FRAS1: variants seen among roughly 807,000 people sequenced by gnomAD.
FRAS1 encodes the protein Fraser extracellular matrix complex subunit 1, also known as extracellular matrix organizing protein FRAS1.
In FRAS1, 290 loss-of-function variants were observed where a neutral mutation model predicts 435.2. The observed-to-expected ratio is 0.67, with a 90% CI of 0.61 to 0.73. The LOEUF (loss-of-function observed/expected upper bound fraction) is 0.73. Ranked by LOEUF, FRAS1 falls within the 30% of genes least tolerant of loss-of-function variation. FRAS1 has a pLI of 0.00. For missense variants in FRAS1, 4,860 were observed against 5,001.5 expected (o/e 0.97, Z 0.85); for synonymous variants, 1,800 against 1,851.0 (o/e 0.97, Z 0.71).
At chr4:78,384,778 A>C (rs532874840) in intron 28 of FRAS1, among the ~76,000 whole-genome samples, 3 of 151,716 alleles carry the variant, frequency 2.0e-5, no homozygotes, top group Non-Finnish European at 2.9e-5. Context: ...CCAGTGATGC[A>C]TTCCTATAGT....
chr4:78,244,815 G>A (rs113843367), intron 3 of FRAS1, among the ~76,000 whole-genome samples: 3 of 152,270 alleles, frequency 2.0e-5, no homozygotes, highest in Admixed American at 6.5e-5. Flanking sequence ...GAGAACTTCA[G>A]CTGCTTCACT....
intron 70 of FRAS1, among the ~76,000 whole-genome samples, chr4:78,529,381 A>C (rs1190372935): frequency 1.2e-4 from 19 of 152,230 alleles, no homozygotes; most frequent in Admixed American, 1.2e-3. Flanking sequence ...TATATCATAT[A>C]GCAGATCTAC....
At chr4:78,333,504 C>T (rs919721979) in intron 19 of FRAS1, 92 bp downstream of exon 19, 26 of 1,312,728 alleles carry the variant, frequency 2.0e-5, no homozygotes, top group South Asian at 7.3e-5. Flanking sequence ...CTTGTCATAC[C>T]GGGGACTAAG....
At chr4:78,446,301 C>G (rs1718827937) in intron 42 of FRAS1, 3 of 1,012,724 alleles carry the variant, frequency 3.0e-6, no homozygotes, top group South Asian at 8.5e-5. Context: ...GGCAGGGAGA[C>G]AGCTTTAGAG....
chr4:78,420,900 ATATATATATATATATATATATT>A (rs1300234465), intron 33 of FRAS1, among the ~76,000 whole-genome samples: 1 of 51,360 alleles, frequency 1.9e-5, no homozygotes, highest in Non-Finnish European at 5.7e-5. Flanking sequence ...ATATATATAT[ATATATATATATATATATATATT>A]TATATAAAGG....
At chr4:78,483,816 T>TACAC (rs1247489795) in intron 58 of FRAS1, among the ~76,000 whole-genome samples, 3 of 116,752 alleles carry the variant, frequency 2.6e-5, no homozygotes, top group African/African-American at 8.5e-5. Flanking sequence ...GTATGTGTGA[T>TACAC]ACACACACAC....
chr4:78,124,625 G>C (rs915296875), intron 2 of FRAS1, among the ~76,000 whole-genome samples: 1 of 152,112 alleles, frequency 6.6e-6, no homozygotes, highest in African/African-American at 2.4e-5. Context: ...TGGTTGGTAG[G>C]CTATTAATTA....
chr4:78,452,078 G>T, intron 46 of FRAS1, 97 bp from the exon 47 acceptor site: 6 of 1,369,402 alleles, frequency 4.4e-6, no homozygotes, highest in South Asian at 3.7e-5. Flanking sequence ...CACAGGCCTA[G>T]AGATGACTCT....
chr4:78,115,455 G>T (rs1202341253), intron 2 of FRAS1, among the ~76,000 whole-genome samples: 1 of 152,204 alleles, frequency 6.6e-6, no homozygotes, highest in East Asian at 1.9e-4. Flanking sequence ...AATCCATCTT[G>T]TCCTGGACTT....
In FRAS1 at chr4:78,422,011, CCT is replaced by C; in HGVS notation, c.4678+16_4678+17del. On this transcript the variant is annotated intron_variant, in intron 34 of 73. Coordinates refer to ENST00000512123, the MANE Select transcript of FRAS1 (RefSeq NM_025074.7). ...CCTTCTCGTTCGCTGGTAATGCTCT[CCT>C]CTCTGCTTTGAGGCACCCAACTGCT... 6 of 1,605,226 alleles carry C rather than the reference CCT, an allele frequency of 3.7e-6. No individual in the cohort carries two copies. Among genetic ancestry groups the C allele is most frequent in the Non-Finnish European group, 5.1e-6 (6 of 1,175,084 alleles).
At position 78,344,708 on chromosome 4, in the gene FRAS1, C is replaced by T. The variant is rs114924086; in HGVS notation, c.2422+6891C>T. 5.5e-3 allele frequency among the ~76,000 whole-genome samples: 841 copies of T among 151,954 alleles called. 7 individuals carry two copies. The highest frequency in any genetic ancestry group is 0.019 in the African/African-American group (793 of 41,404). Reference sequence around the variant, plus strand: ...AGAGGCACTGTTGGGAAACATTGCACGAACTTGCTGGTCTGTTTTAAATGC... The same window carrying T: ...AGAGGCACTGTTGGGAAACATTGCATGAACTTGCTGGTCTGTTTTAAATGC... On this transcript the variant is annotated intron_variant, in intron 20 of 73. Coordinates refer to ENST00000512123, the MANE Select transcript of FRAS1 (RefSeq NM_025074.7).
At chr4:78,256,128 A>G (rs1375605693) in intron 6 of FRAS1, among the ~76,000 whole-genome samples, 1 of 152,222 alleles carries the variant, frequency 6.6e-6, no homozygotes, top group South Asian at 2.1e-4. Flanking sequence ...CTTTGTGTCA[A>G]ATGAAACAAA....
chr4:78,432,411 A>G lies in FRAS1; in HGVS notation c.5024A>G (p.Asp1675Gly), dbSNP rs1464759552. The G allele has an allele frequency of 6.2e-7, 1 of 1,611,296 alleles. No individual in the cohort carries two copies. Among genetic ancestry groups the G allele is most frequent in the African/African-American group, 1.3e-5 (1 of 74,908 alleles). The change falls in exon 38 of 74, where the codon GAT becomes GGT. Residue 1675 changes from aspartate to glycine, a missense_variant. Coordinates refer to ENST00000512123, the MANE Select transcript of FRAS1 (RefSeq NM_025074.7). Reference sequence around the variant, plus strand: ...AAAAATGCTCTACAGTATATACATGATGGTTCCTCTACCCGGGAAGACAGC... The same window carrying G: ...AAAAATGCTCTACAGTATATACATGGTGGTTCCTCTACCCGGGAAGACAGC... The part of the protein sequence containing the change: ...VEKNALQYIH[D>G]GSSTREDSME...
chr4:78,224,168 A>G (rs1403201175), intron 2 of FRAS1, among the ~76,000 whole-genome samples: 1 of 152,198 alleles, frequency 6.6e-6, no homozygotes, highest in Non-Finnish European at 1.5e-5. Flanking sequence ...TGGCAGCCAA[A>G]GTCAATTAGA....
intron 49 of FRAS1, 49 bp from the exon 50 acceptor site, chr4:78,466,159 G>A: frequency 6.5e-7 from 1 of 1,528,920 alleles, no homozygotes; most frequent in Non-Finnish European, 9.0e-7. Context: ...CACTCTTTTG[G>A]TTTCTGTTAT....
intron 2 of FRAS1, among the ~76,000 whole-genome samples, chr4:78,179,774 A>AC: frequency 6.6e-6 from 1 of 152,314 alleles, no homozygotes; most frequent in East Asian, 1.9e-4. Flanking sequence ...GAGACAAATG[A>AC]ATATGACTGT....
chr4:78,062,196 G>C (rs1453758046), intron 1 of FRAS1, among the ~76,000 whole-genome samples: 1 of 152,098 alleles, frequency 6.6e-6, no homozygotes, highest in Non-Finnish European at 1.5e-5. Flanking sequence ...GAGTAGGGGA[G>C]GGGACTACCA....
chr4:78,518,448 A>ATT (rs58129819), intron 66 of FRAS1, among the ~76,000 whole-genome samples: 194 of 135,848 alleles, frequency 1.4e-3, no homozygotes, highest in African/African-American at 5.4e-3. Context: ...ATATATATAT[A>ATT]TATATTTATT....
At chr4:78,230,155 G>A (rs1724459926) in intron 2 of FRAS1, among the ~76,000 whole-genome samples, 1 of 152,186 alleles carries the variant, frequency 6.6e-6, no homozygotes, top group Admixed American at 6.5e-5. Context: ...GCTGGAGGAG[G>A]AGATCAGGTA....
Sources: allele counts gnomAD v4.1 joint callset (sites outside exome capture counted in the v4.1 genomes callset), GRCh38; gene constraint gnomAD v4.1.1; transcripts MANE v1.5; gene names NCBI Gene and HGNC (gene_info 2026-07-23, HGNC 2026-07-21).